The following FSTL5 variants were observed in gnomAD, a reference collection of about 807,000 sequenced individuals.
FSTL5 encodes follistatin-related protein 5.
Under a neutral mutation model 89.1 loss-of-function variants are expected in FSTL5, and 62 were observed. That is an observed-to-expected ratio of 0.70 (90% CI 0.57 to 0.86). FSTL5 has a LOEUF of 0.86. Among genes scored for constraint, FSTL5 ranks in the 40% least tolerant of loss-of-function variants. The probability of loss-of-function intolerance (pLI) is 0.00; values close to 1 mark genes in which losing one functional copy is unlikely to be tolerated. For synonymous variants in FSTL5, 383 were observed against 346.2 expected (o/e 1.11, Z -1.18); for missense variants, 1,057 against 1,001.6 (o/e 1.06, Z -0.75).
chr4:161,781,589 G>T (rs1479427537), intron 4 of FSTL5, among the ~76,000 whole-genome samples: 4 of 152,066 alleles, frequency 2.6e-5, no homozygotes, highest in Non-Finnish European at 5.9e-5. Context: ...TAAGACTTTG[G>T]TTTTTAGTGT....
intron 15 of FSTL5, among the ~76,000 whole-genome samples, chr4:161,413,239 T>C (rs1057089623): frequency 7.2e-4 from 26 of 36,286 alleles, no homozygotes; most frequent in Non-Finnish European, 1.3e-3. Context: ...GCAAAGGACA[T>C]GAATAGACAC....
At chr4:161,435,502 C>T (rs1294384328) in intron 15 of FSTL5, among the ~76,000 whole-genome samples, 1 of 151,386 alleles carries the variant, frequency 6.6e-6, no homozygotes, top group Non-Finnish European at 1.5e-5. Flanking sequence ...TGAATAAAAT[C>T]TAGTATTTGA....
intron 8 of FSTL5, among the ~76,000 whole-genome samples, chr4:161,582,345 G>C (rs1289426441): frequency 4.6e-5 from 7 of 152,116 alleles, no homozygotes; most frequent in Non-Finnish European, 8.8e-5. Context: ...AGTTAAACCA[G>C]TTTTAGAGAT....
Position 161,450,236 on chromosome 4 carries a change from A to G in FSTL5, c.1841+4768T>C, listed in dbSNP as rs145536125. On this transcript the variant is annotated intron_variant, in intron 15 of 15. Transcript: ENST00000306100. Reference sequence around the variant, plus strand: ...TCTAGAATCTTTACATATAAAAGAAAATATAACATGTAACTGCCAGACCTA... The same window carrying G: ...TCTAGAATCTTTACATATAAAAGAAGATATAACATGTAACTGCCAGACCTA... Among the ~76,000 whole-genome samples the G allele has an allele frequency of 1.4e-4, 21 of 152,364 alleles. No homozygotes were observed. The East Asian group carries it at 3.9e-3, about 28-fold the overall frequency.
chr4:161,630,478 TCTC>T (rs774258907), intron 7 of FSTL5, among the ~76,000 whole-genome samples: 1 of 152,208 alleles, frequency 6.6e-6, no homozygotes, highest in African/African-American at 2.4e-5. Flanking sequence ...GCAATAACTT[TCTC>T]ATCATAAGTA....
intron 2 of FSTL5, among the ~76,000 whole-genome samples, chr4:162,063,915 A>G (rs1307742902): frequency 6.6e-6 from 1 of 152,032 alleles, no homozygotes. Flanking sequence ...ATTCTATCAG[A>G]GGCTTGTGCA....
intron 1 of FSTL5, 112 bp from the exon 2 acceptor site, chr4:162,111,524 T>G: frequency 1.4e-6 from 1 of 722,372 alleles, no homozygotes; most frequent in Non-Finnish European, 2.1e-6. Flanking sequence ...AATCAAAACT[T>G]GCTGGTAGTT....
intron 3 of FSTL5, among the ~76,000 whole-genome samples, chr4:161,921,983 G>A (rs924328599): frequency 1.3e-5 from 2 of 151,898 alleles, no homozygotes; most frequent in African/African-American, 4.8e-5. Context: ...AATCAATTTT[G>A]TTCTTTTGTA....
intron 7 of FSTL5, among the ~76,000 whole-genome samples, chr4:161,613,881 T>C (rs904126604): frequency 6.6e-6 from 1 of 152,190 alleles, no homozygotes; most frequent in Non-Finnish European, 1.5e-5. Context: ...TGAAACAAAC[T>C]ATGCAACATG....
chr4:161,414,033 A>G (rs565711210), intron 15 of FSTL5, among the ~76,000 whole-genome samples: 1 of 152,290 alleles, frequency 6.6e-6, no homozygotes, highest in African/African-American at 2.4e-5. Context: ...CCCAAGTAAA[A>G]TATCTGCTGC....
At chr4:162,158,660 G>A (rs1733576347) in intron 1 of FSTL5, among the ~76,000 whole-genome samples, 1 of 151,942 alleles carries the variant, frequency 6.6e-6, no homozygotes, top group Non-Finnish European at 1.5e-5. Flanking sequence ...CAGTGGTATG[G>A]AGATTTGATG....
intron 6 of FSTL5, among the ~76,000 whole-genome samples, chr4:161,731,440 T>A (rs969385122): frequency 1.3e-5 from 2 of 151,996 alleles, no homozygotes; most frequent in Non-Finnish European, 2.9e-5. Context: ...GTGGGTGAGT[T>A]CTCACGAGAT....
At chr4:162,137,957 C>T (rs1732581839) in intron 1 of FSTL5, among the ~76,000 whole-genome samples, 1 of 151,940 alleles carries the variant, frequency 6.6e-6, no homozygotes, top group Non-Finnish European at 1.5e-5. Context: ...ACTATAGTCT[C>T]CTGGCAAGCT....
chr4:162,086,496 T>A (rs935419158), intron 2 of FSTL5, among the ~76,000 whole-genome samples: 1 of 152,030 alleles, frequency 6.6e-6, no homozygotes, highest in Non-Finnish European at 1.5e-5. Flanking sequence ...GCATAATGAA[T>A]ATGTCATGCA....
chr4:161,526,438 G>A (rs1230927747), intron 10 of FSTL5, among the ~76,000 whole-genome samples: 1 of 152,056 alleles, frequency 6.6e-6, no homozygotes, highest in East Asian at 1.9e-4. Context: ...TCAATTTAGG[G>A]GAAAGATATA....
chr4:161,886,097 C>T (rs987046935), intron 4 of FSTL5, among the ~76,000 whole-genome samples: 2 of 152,098 alleles, frequency 1.3e-5, no homozygotes, highest in Non-Finnish European at 2.9e-5. Context: ...TGAAGCAATT[C>T]GCAGTACTAT....
chr4:161,436,769 ATATC>A (rs1732573948), intron 15 of FSTL5, among the ~76,000 whole-genome samples: 4 of 152,212 alleles, frequency 2.6e-5, no homozygotes, highest in Non-Finnish European at 5.9e-5. Flanking sequence ...TGGAACATCT[ATATC>A]ATTCAGAATA....
chr4:162,129,683 A>G (rs1732222151), intron 1 of FSTL5, among the ~76,000 whole-genome samples: 1 of 152,240 alleles, frequency 6.6e-6, no homozygotes, highest in Non-Finnish European at 1.5e-5. Context: ...ACAAAACAAA[A>G]TGAAAAAATA....
chr4:161,485,461 C>T (rs1459841830), intron 12 of FSTL5, among the ~76,000 whole-genome samples: 3 of 152,154 alleles, frequency 2.0e-5, no homozygotes, highest in East Asian at 1.9e-4. Context: ...CCTCCGCTGT[C>T]ACCTTCTAGG....
Sources: allele counts gnomAD v4.1 joint callset (sites outside exome capture counted in the v4.1 genomes callset), GRCh38; gene constraint gnomAD v4.1.1; transcripts MANE v1.5; gene names NCBI Gene and HGNC (gene_info 2026-07-23, HGNC 2026-07-21).